Variants in ABCC12 observed in about 807,000 individuals in gnomAD.
ABCC12 encodes the protein ATP binding cassette subfamily C member 12, also known as ATP-binding cassette sub-family C member 12.
A neutral mutation model predicts 151.1 loss-of-function variants in ABCC12; 142 were observed. The observed-to-expected ratio is 0.94, with a 90% CI of 0.82 to 1.08. The LOEUF (loss-of-function observed/expected upper bound fraction) is 1.08. Among genes scored for constraint, ABCC12 ranks in the 50% least tolerant of loss-of-function variants. ABCC12 has a pLI of 0.00. For synonymous variants in ABCC12, 645 were observed against 646.4 expected (o/e 1.00, Z 0.03); for missense variants, 1,638 against 1,691.1 (o/e 0.97, Z 0.55).
intron 11 of ABCC12, among the ~76,000 whole-genome samples, chr16:48,125,634 T>C (rs902187451): frequency 5.3e-5 from 8 of 152,190 alleles, no homozygotes; most frequent in African/African-American, 1.9e-4. Context: ...GATATTGCAA[T>C]ACTGCACTTG....
intron 28 of ABCC12, 54 bp from the exon 29 acceptor site, chr16:48,085,760 A>T (rs1597299119): frequency 9.7e-6 from 14 of 1,447,548 alleles, no homozygotes; most frequent in Non-Finnish European, 1.3e-5. Context: ...AAATTGTCCT[A>T]TGCTGTCTGT....
chr16:48,146,618 G>C, intron 2 of ABCC12, 144 bp from the exon 3 acceptor site: 1 of 573,574 alleles, frequency 1.7e-6, no homozygotes, highest in South Asian at 2.2e-5. Flanking sequence ...TTGTAGGGGA[G>C]TGTGGCCAGA....
intron 10 of ABCC12, among the ~76,000 whole-genome samples, chr16:48,130,508 A>G (rs1007169413): frequency 9.9e-5 from 15 of 152,236 alleles, no homozygotes; most frequent in African/African-American, 3.6e-4. Context: ...CACTTGTGGA[A>G]CACTTAGGAT....
In ABCC12 at chr16:48,107,332, T is replaced by C; in HGVS notation, c.2465A>G (p.Lys822Arg). ...CAAAGGGAAACTCACCCGTGAGCCC[T>C]TGTCCAACCAGAGACCCAGCCACCA... ...SNWWLGLWLDKGSRMTCGPQG... is the reference protein window; with the variant it reads ...SNWWLGLWLDRGSRMTCGPQG... The change falls in exon 20 of 31, where the codon AAG (lysine) becomes AGG (arginine). Residue 822 changes from lysine to arginine, a missense_variant. By Grantham distance (26) the Lys-to-Arg change is conservative (BLOSUM62 2). Transcript: ENST00000311303. 1 of 1,614,058 alleles carries C rather than the reference T, an allele frequency of 6.2e-7. No homozygotes were observed. The highest frequency in any genetic ancestry group is 8.5e-7 in the Non-Finnish European group (1 of 1,179,978).
At position 48,150,384 on chromosome 16, in the gene ABCC12, T is replaced by C. The variant is rs1387279095; in HGVS notation, c.-51+3232A>G. 5.3e-5 allele frequency among the ~76,000 whole-genome samples: 8 copies of C among 152,300 alleles called. No homozygotes were observed. The East Asian group carries it at 1.5e-3, about 29-fold the overall frequency. On this transcript the variant is annotated intron_variant, in intron 2 of 30. Coordinates refer to ENST00000311303, the MANE Select transcript of ABCC12 (RefSeq NM_001393797.1). ...AAATGGATGAACAAATTGTATAATATGAGTTTGGCATATTACTATTCAACA... is the reference window on the plus strand; with the variant it reads ...AAATGGATGAACAAATTGTATAATACGAGTTTGGCATATTACTATTCAACA...
At chr16:48,143,411 C>A (rs1435494504) in intron 4 of ABCC12, among the ~76,000 whole-genome samples, 4 of 152,208 alleles carry the variant, frequency 2.6e-5, no homozygotes, top group Non-Finnish European at 5.9e-5. Context: ...AGAATGGTTA[C>A]CAACACCCAT....
Position 48,144,193 on chromosome 16 carries a change from T to C in ABCC12, c.120-128A>G, listed in dbSNP as rs1370646441. On this transcript the variant is annotated intron_variant, in intron 3 of 30. Coordinates refer to ENST00000311303, the MANE Select transcript of ABCC12 (RefSeq NM_001393797.1). Reference sequence around the variant, plus strand: ...CAGAATCTGTGACTTGCATTCATTATGTTTATTAGCCCTTTGAGCAGTGAT... The same window carrying C: ...CAGAATCTGTGACTTGCATTCATTACGTTTATTAGCCCTTTGAGCAGTGAT... The C allele has an allele frequency of 4.2e-6, 5 of 1,194,624 alleles. No individual in the cohort carries two copies. In the African/African-American group the frequency reaches 6.1e-5, roughly 15 times the overall value. 74.0% of individuals were successfully genotyped at this position (1,194,624 alleles called of 1,614,324 possible).
chr16:48,152,369 G>T (rs1041827818), intron 2 of ABCC12, among the ~76,000 whole-genome samples: 2 of 152,180 alleles, frequency 1.3e-5, no homozygotes, highest in Non-Finnish European at 2.9e-5. Flanking sequence ...CTGAACCCAA[G>T]TACGGCCTTT....
intron 2 of ABCC12, among the ~76,000 whole-genome samples, chr16:48,147,351 C>T (rs1965037027): frequency 1.3e-5 from 2 of 152,142 alleles, no homozygotes; most frequent in Admixed American, 6.6e-5. Context: ...TTCCCCATAC[C>T]CTATAGATAA....
At chr16:48,124,997 G>T (rs1391716969) in intron 11 of ABCC12, among the ~76,000 whole-genome samples, 2 of 152,192 alleles carry the variant, frequency 1.3e-5, no homozygotes, top group East Asian at 3.9e-4. Context: ...GAAGAGACAG[G>T]GAAGGGACAG....
Position 48,082,606 on chromosome 16 carries a change from A to G in ABCC12, c.*1109T>C, listed in dbSNP as rs1962389387. On this transcript the variant is annotated 3_prime_UTR_variant, in exon 31 of 31. Coordinates refer to ENST00000311303, the MANE Select transcript of ABCC12 (RefSeq NM_001393797.1). Reference sequence around the variant, plus strand: ...CTGGGGAAGCAAGTACGTGACCAACACTTACAAGGGAAGTGGGGTGGGGGG... The same window carrying G: ...CTGGGGAAGCAAGTACGTGACCAACGCTTACAAGGGAAGTGGGGTGGGGGG... 6.6e-6 allele frequency among the ~76,000 whole-genome samples: 1 copy of G among 152,154 alleles called. No homozygotes were observed. The highest frequency in any genetic ancestry group is 2.1e-4 in the South Asian group (1 of 4,834).
At chr16:48,104,390 C>A in intron 21 of ABCC12, 22 bp from the exon 22 acceptor site, 1 of 1,608,900 alleles carries the variant, frequency 6.2e-7, no homozygotes, top group Admixed American at 1.7e-5. Flanking sequence ...GGTAGAGAGT[C>A]AAACAGAGTC....
rs201062852 is a variant in ABCC12 at position 48,091,093 on chromosome 16, C to G, written c.3285+27G>C. ...AAGTCCTGCCAAAATTAACTTGTCC[C>G]TCCTCTCTGATGCACTAATTTCTTA... On this transcript the variant is annotated intron_variant, in intron 25 of 30. Coordinates refer to ENST00000311303, the MANE Select transcript of ABCC12 (RefSeq NM_001393797.1). 4 of 1,609,366 alleles carry G rather than the reference C, an allele frequency of 2.5e-6. No individual in the cohort carries two copies. In the Admixed American group the frequency reaches 6.7e-5, roughly 27 times the overall value.
intron 13 of ABCC12, 23 bp downstream of exon 13, chr16:48,121,693 C>T: frequency 6.2e-7 from 1 of 1,613,798 alleles, no homozygotes; most frequent in Non-Finnish European, 8.5e-7. Context: ...AAATGTGCCT[C>T]CTGCTTTAAA....
intron 23 of ABCC12, among the ~76,000 whole-genome samples, chr16:48,097,828 T>A (rs77228993): frequency 0.022 from 3,319 of 152,266 alleles, 137 homozygotes; most frequent in African/African-American, 0.077. Flanking sequence ...GATGCAGCAA[T>A]GCTGGCAGAA....
intron 12 of ABCC12, among the ~76,000 whole-genome samples, chr16:48,123,081 A>C (rs2150640214): frequency 6.6e-6 from 1 of 152,374 alleles, no homozygotes; most frequent in African/African-American, 2.4e-5. Flanking sequence ...TGGGAGATAG[A>C]CTTAATGTTA....
In ABCC12 at chr16:48,081,511, G is replaced by A. The variant is rs1223534673; in HGVS notation, c.*2204C>T. On this transcript the variant is annotated 3_prime_UTR_variant, in exon 31 of 31. Coordinates refer to ENST00000311303, the MANE Select transcript of ABCC12 (RefSeq NM_001393797.1). ...GGAGCAGGGCCTGTGGAGCCAGACTGGTTAGGGTTCAAGCCCTATCTCTGT... is the reference window on the plus strand; with the variant it reads ...GGAGCAGGGCCTGTGGAGCCAGACTAGTTAGGGTTCAAGCCCTATCTCTGT... Among the ~76,000 whole-genome samples, 1 of 152,154 alleles carries A rather than the reference G, an allele frequency of 6.6e-6. No homozygotes were observed. Among genetic ancestry groups the A allele is most frequent in the Non-Finnish European group, 1.5e-5 (1 of 68,024 alleles).
chr16:48,126,609 T>G (rs1964248713), intron 11 of ABCC12, among the ~76,000 whole-genome samples: 1 of 152,114 alleles, frequency 6.6e-6, no homozygotes, highest in Non-Finnish European at 1.5e-5. Context: ...GGTATCTGAG[T>G]TCCCCCACCA....
At chr16:48,136,449 G>A (rs747266146) in intron 8 of ABCC12, among the ~76,000 whole-genome samples, 4 of 152,014 alleles carry the variant, frequency 2.6e-5, no homozygotes, top group East Asian at 1.9e-4. Context: ...ATAGAATAAC[G>A]TGAATTCATG....
Sources: gnomAD v4.1 joint callset for allele counts (sites outside exome capture counted in the v4.1 genomes callset) on GRCh38, gnomAD v4.1.1 for gene constraint, MANE v1.5 for transcripts, NCBI Gene and HGNC (gene_info 2026-07-23, HGNC 2026-07-21) for gene names.